The following MACROD2 variants were observed in gnomAD, a reference collection of about 807,000 sequenced individuals.
The protein encoded by MACROD2 is ADP-ribose glycohydrolase MACROD2.
In MACROD2, 36 loss-of-function variants were observed where a neutral mutation model predicts 70.4. The ratio of observed to expected loss-of-function variants is 0.51; its 90% CI spans 0.39 to 0.68. The LOEUF is 0.68. MACROD2 is among the 30% of genes least tolerant of loss of function. The pLI is 0.00. For synonymous variants in MACROD2, 172 were observed against 178.8 expected (o/e 0.96, Z 0.30); for missense variants, 496 against 538.4 (o/e 0.92, Z 0.78).
intron 6 of MACROD2, among the ~76,000 whole-genome samples, chr20:15,299,831 C>T (rs1192014832): frequency 3.3e-5 from 5 of 152,190 alleles, no homozygotes; most frequent in Non-Finnish European, 7.3e-5. Context: ...TATGGGAACC[C>T]ACCTGGGGTC....
At chr20:15,519,886 C>G (rs2047628227) in intron 8 of MACROD2, among the ~76,000 whole-genome samples, 1 of 152,176 alleles carries the variant, frequency 6.6e-6, no homozygotes, top group Non-Finnish European at 1.5e-5. Context: ...CTCTCCCCAA[C>G]AGTTCCATAA....
intron 8 of MACROD2, among the ~76,000 whole-genome samples, chr20:15,778,225 A>G (rs2051766101): frequency 6.6e-6 from 1 of 152,146 alleles, no homozygotes; most frequent in South Asian, 2.1e-4. Context: ...TCCAATGTCA[A>G]TAACTGTACT....
chr20:14,175,618 A>T (rs1429771236), intron 3 of MACROD2, among the ~76,000 whole-genome samples: 1 of 152,222 alleles, frequency 6.6e-6, no homozygotes, highest in Non-Finnish European at 1.5e-5. Context: ...TCAAAGACAC[A>T]GGGTGCTAGA....
At chr20:14,783,278 C>G (rs2123788870) in intron 5 of MACROD2, among the ~76,000 whole-genome samples, 1 of 152,232 alleles carries the variant, frequency 6.6e-6, no homozygotes, top group East Asian at 1.9e-4. Context: ...GTGTTTCCTG[C>G]ATAGAACCCT....
At chr20:15,805,703 T>C (rs2063763323) in intron 8 of MACROD2, among the ~76,000 whole-genome samples, 1 of 152,158 alleles carries the variant, frequency 6.6e-6, no homozygotes, top group African/African-American at 2.4e-5. Context: ...CTCAAACTCC[T>C]GACCTCAGGT....
intron 5 of MACROD2, among the ~76,000 whole-genome samples, chr20:14,813,338 C>T (rs1341521727): frequency 6.7e-6 from 1 of 148,558 alleles, no homozygotes; most frequent in African/African-American, 2.5e-5. Context: ...CTGATGCTCT[C>T]CCCCTTCCTC....
chr20:14,635,052 A>C (rs1201905215), intron 4 of MACROD2, among the ~76,000 whole-genome samples: 2 of 152,272 alleles, frequency 1.3e-5, no homozygotes, highest in African/African-American at 4.8e-5. Flanking sequence ...GAGGATATGG[A>C]GGTGAAGGTG....
chr20:14,653,931 G>A (rs1337672461), intron 4 of MACROD2, among the ~76,000 whole-genome samples: 1 of 152,066 alleles, frequency 6.6e-6, no homozygotes, highest in Non-Finnish European at 1.5e-5. Context: ...GAAGTTGCTT[G>A]CTTGACAGTA....
intron 2 of MACROD2, among the ~76,000 whole-genome samples, chr20:14,060,775 G>T (rs1222942843): frequency 1.3e-5 from 2 of 152,132 alleles, no homozygotes; most frequent in African/African-American, 4.8e-5. Context: ...GATGTGCATA[G>T]GACTGGTAAA....
chr20:14,727,043 TAC>T (rs1359625024), intron 5 of MACROD2, among the ~76,000 whole-genome samples: 1 of 152,208 alleles, frequency 6.6e-6, no homozygotes, highest in East Asian at 1.9e-4. Context: ...TAATTTTTTA[TAC>T]AGTCTAAAGT....
intron 12 of MACROD2, among the ~76,000 whole-genome samples, chr20:15,949,483 G>A (rs2065875751): frequency 6.6e-6 from 1 of 152,150 alleles, no homozygotes; most frequent in Non-Finnish European, 1.5e-5. Context: ...CCATCAAGAT[G>A]AGCATTCTCC....
intron 5 of MACROD2, among the ~76,000 whole-genome samples, chr20:14,871,244 A>G (rs1439618944): frequency 6.6e-6 from 1 of 152,166 alleles, no homozygotes; most frequent in Non-Finnish European, 1.5e-5. Context: ...ATGAAAGAAA[A>G]AAATGTTAAA....
At chr20:14,197,506 G>T (rs1346686770) in intron 3 of MACROD2, among the ~76,000 whole-genome samples, 2 of 151,958 alleles carry the variant, frequency 1.3e-5, no homozygotes, top group Non-Finnish European at 2.9e-5. Flanking sequence ...GGTTGCTCAT[G>T]CCTGTAATCC....
At chr20:14,763,726 G>T (rs549974720) in intron 5 of MACROD2, among the ~76,000 whole-genome samples, 1 of 152,096 alleles carries the variant, frequency 6.6e-6, no homozygotes, top group Non-Finnish European at 1.5e-5. Flanking sequence ...AGGTTAAAAG[G>T]AAGAGGAAGG....
At chr20:15,085,873 AACACACAC>A (rs3070249) in intron 5 of MACROD2, among the ~76,000 whole-genome samples, 2,277 of 144,354 alleles carry the variant, frequency 0.016, 50 homozygotes, top group African/African-American at 0.043. Context: ...ACACACACAC[AACACACAC>A]ACACACACAC....
chr20:15,141,303 C>T (rs1229149467), intron 5 of MACROD2, among the ~76,000 whole-genome samples: 2 of 151,970 alleles, frequency 1.3e-5, no homozygotes, highest in Admixed American at 6.6e-5. Flanking sequence ...TATAGATATA[C>T]ACGTGTTTGC....
intron 5 of MACROD2, among the ~76,000 whole-genome samples, chr20:15,128,160 G>T (rs564768715): frequency 6.6e-6 from 1 of 152,200 alleles, no homozygotes; most frequent in Non-Finnish European, 1.5e-5. Context: ...AAAGAGGCAG[G>T]TGTTTTAGCT....
chr20:14,840,336 C>G (rs2073074547), intron 5 of MACROD2, among the ~76,000 whole-genome samples: 1 of 152,068 alleles, frequency 6.6e-6, no homozygotes, highest in Admixed American at 6.5e-5. Flanking sequence ...TCACGCCTGG[C>G]CAGAATCTCC....
chr20:14,378,929 C>T (rs1265378679), intron 3 of MACROD2, among the ~76,000 whole-genome samples: 16 of 152,142 alleles, frequency 1.1e-4, no homozygotes, highest in Admixed American at 6.6e-4. Flanking sequence ...AATTCCATGC[C>T]TCTCATGAAG....
Sources: gnomAD v4.1 joint callset for allele counts (sites outside exome capture counted in the v4.1 genomes callset) on GRCh38, gnomAD v4.1.1 for gene constraint, MANE v1.5 for transcripts, NCBI Gene and HGNC (gene_info 2026-07-23, HGNC 2026-07-21) for gene names.